ZCCHC7: variants seen among roughly 807,000 people sequenced by gnomAD.
ZCCHC7 encodes the protein zinc finger CCHC domain-containing protein 7.
In ZCCHC7, 35 loss-of-function variants were observed where a neutral mutation model predicts 52.0. That is an observed-to-expected ratio of 0.67 (90% confidence interval 0.51 to 0.89). The LOEUF is 0.89. ZCCHC7 is among the 40% of genes least tolerant of loss of function. The pLI, the probability that ZCCHC7 is intolerant of heterozygous loss-of-function variation, is 0.00. For missense variants in ZCCHC7, 574 were observed against 649.1 expected, an observed-to-expected ratio of 0.88 and a Z score of 1.26; for synonymous variants, 217 against 221.5, an observed-to-expected ratio of 0.98 and a Z score of 0.18.
intron 2 of ZCCHC7, chr9:37,186,569 A>ATC (rs1237264182): frequency 5.1e-6 from 2 of 389,264 alleles, no homozygotes; most frequent in Non-Finnish European, 9.8e-6. Flanking sequence ...TTACAAACAC[A>ATC]TCAAGGACAG....
At chr9:37,341,296 A>G (rs1820622884) in intron 6 of ZCCHC7, among the ~76,000 whole-genome samples, 1 of 152,182 alleles carries the variant, frequency 6.6e-6, no homozygotes, top group African/African-American at 2.4e-5. Context: ...TTTTCCCTTA[A>G]TGACATAAAA....
chr9:37,225,718 T>A (rs538878069), intron 2 of ZCCHC7, among the ~76,000 whole-genome samples: 3 of 152,350 alleles, frequency 2.0e-5, no homozygotes, highest in South Asian at 2.1e-4. Flanking sequence ...TAAAGCATTT[T>A]ACAAAGTTTA....
chr9:37,196,173 G>A (rs1274755124), intron 2 of ZCCHC7, among the ~76,000 whole-genome samples: 1 of 152,114 alleles, frequency 6.6e-6, no homozygotes, highest in Admixed American at 6.5e-5. Flanking sequence ...CCAGTTTTAT[G>A]ATTTTGACAC....
chr9:37,282,420 C>G (rs912845694), intron 2 of ZCCHC7, among the ~76,000 whole-genome samples: 2 of 151,802 alleles, frequency 1.3e-5, no homozygotes, highest in Admixed American at 1.3e-4. Context: ...CTGGCTAACA[C>G]AGTGAAACCC....
chr9:37,326,110 C>T (rs146909465), intron 5 of ZCCHC7: 1 of 152,016 alleles, frequency 6.6e-6, no homozygotes, highest in South Asian at 2.1e-4. Flanking sequence ...CTTATTTCTA[C>T]AATAATCCAA....
chr9:37,127,017 C>G, intron 2 of ZCCHC7, 75 bp downstream of exon 2: 1 of 1,525,520 alleles, frequency 6.6e-7, no homozygotes, highest in Non-Finnish European at 8.9e-7. Context: ...GAGAAAAGAC[C>G]AATAGGGTCT....
chr9:37,349,159 A>C (rs572027328), intron 6 of ZCCHC7, among the ~76,000 whole-genome samples, 198 bp from the exon 7 acceptor site: 1 of 152,354 alleles, frequency 6.6e-6, no homozygotes, highest in South Asian at 2.1e-4. Flanking sequence ...AGAGGGAAGC[A>C]CACATTGACA....
At chr9:37,274,852 G>A (rs1175001960) in intron 2 of ZCCHC7, among the ~76,000 whole-genome samples, 1 of 151,470 alleles carries the variant, frequency 6.6e-6, no homozygotes, top group Non-Finnish European at 1.5e-5. Flanking sequence ...TATAGTGAGA[G>A]ATGAATACCA....
intron 2 of ZCCHC7, among the ~76,000 whole-genome samples, chr9:37,283,407 C>T (rs1055290824): frequency 6.6e-6 from 1 of 152,146 alleles, no homozygotes; most frequent in Non-Finnish European, 1.5e-5. Flanking sequence ...TAACTATAGC[C>T]TCTTCAAGTA....
chr9:37,122,935 T>C (rs1487279450), intron 1 of ZCCHC7, among the ~76,000 whole-genome samples: 1 of 152,206 alleles, frequency 6.6e-6, no homozygotes, highest in African/African-American at 2.4e-5. Flanking sequence ...AGACTCCGTC[T>C]CAAGGGGGAA....
In ZCCHC7 at chr9:37,355,932, A is replaced by G. The variant is rs148847614; in HGVS notation, c.1199-903A>G. Among the ~76,000 whole-genome samples, 49 of 152,268 alleles carry G rather than the reference A, an allele frequency of 3.2e-4. No individual in the cohort carries two copies. In the East Asian group the frequency reaches 9.1e-3, roughly 28 times the overall value. On this transcript the variant is annotated intron_variant, in intron 8 of 8. Coordinates refer to ENST00000336755, the MANE Select transcript of ZCCHC7 (RefSeq NM_032226.3). The stretch of plus-strand genomic sequence containing the variant: ...TGTCATCTCTAGATTAAAGGATTAT[A>G]TGTGCTTTCTGTTTTTTATGTTCTT...
At chr9:37,322,715 G>A (rs1012767846) in intron 5 of ZCCHC7, among the ~76,000 whole-genome samples, 1 of 149,720 alleles carries the variant, frequency 6.7e-6, no homozygotes, top group Non-Finnish European at 1.5e-5. Context: ...GCCACAAACA[G>A]CTGTAGTCTA....
At chr9:37,253,221 A>C (rs2133404612) in intron 2 of ZCCHC7, among the ~76,000 whole-genome samples, 1 of 152,182 alleles carries the variant, frequency 6.6e-6, no homozygotes, top group South Asian at 2.1e-4. Context: ...GAAGAATAAT[A>C]ATTAGATTAT....
At chr9:37,169,804 G>A (rs751771248) in intron 2 of ZCCHC7, among the ~76,000 whole-genome samples, 24 of 152,062 alleles carry the variant, frequency 1.6e-4, no homozygotes, top group Non-Finnish European at 2.8e-4. Flanking sequence ...ACTTATGCCT[G>A]CAGTCCCACC....
chr9:37,312,870 A>G (rs1399411956), intron 5 of ZCCHC7, among the ~76,000 whole-genome samples: 2 of 152,244 alleles, frequency 1.3e-5, no homozygotes, highest in African/African-American at 2.4e-5. Context: ...GATATATTCA[A>G]ATCTACTTAA....
chr9:37,123,592 C>A (rs966681052), intron 1 of ZCCHC7, among the ~76,000 whole-genome samples: 1 of 152,056 alleles, frequency 6.6e-6, no homozygotes, highest in Non-Finnish European at 1.5e-5. Flanking sequence ...AATCCCTTTC[C>A]TTTGGGATGG....
At chr9:37,164,492 GA>G (rs1821303941) in intron 2 of ZCCHC7, among the ~76,000 whole-genome samples, 1 of 149,718 alleles carries the variant, frequency 6.7e-6, no homozygotes, top group Admixed American at 6.6e-5. Context: ...TAGATAGATA[GA>G]TAGATAGACA....
At chr9:37,249,736 A>G (rs1826236804) in intron 2 of ZCCHC7, among the ~76,000 whole-genome samples, 1 of 152,022 alleles carries the variant, frequency 6.6e-6, no homozygotes, top group South Asian at 2.1e-4. Context: ...GGCATGAGCC[A>G]CCGCGCCCAG....
intron 2 of ZCCHC7, among the ~76,000 whole-genome samples, chr9:37,157,321 ACC>A (rs906293545): frequency 4.6e-5 from 7 of 151,588 alleles, no homozygotes; most frequent in Non-Finnish European, 1.0e-4. Context: ...ACGTAATGAG[ACC>A]CTGTCTCTAA....
Sources: allele counts gnomAD v4.1 joint callset (sites outside exome capture counted in the v4.1 genomes callset), GRCh38; gene constraint gnomAD v4.1.1; transcripts MANE v1.5; gene names NCBI Gene and HGNC (gene_info 2026-07-23, HGNC 2026-07-21).